Variants in SYN3 observed in about 807,000 individuals in gnomAD.
SYN3 encodes synapsin-3.
Under a neutral mutation model 65.8 loss-of-function variants are expected in SYN3, and 35 were observed. The observed-to-expected ratio is 0.53, with a 90% CI of 0.41 to 0.70. The LOEUF (loss-of-function observed/expected upper bound fraction) is 0.70, where lower values mean the gene tolerates loss of function less well. SYN3 is among the 30% of genes least tolerant of loss of function. SYN3 has a pLI of 0.00. For synonymous variants in SYN3, 270 were observed against 292.9 expected, an observed-to-expected ratio of 0.92 and a Z score of 0.80; for missense variants, 680 against 749.0, an observed-to-expected ratio of 0.91 and a Z score of 1.08.
intron 1 of SYN3, chr22:33,014,928 G>A: frequency 5.7e-6 from 1 of 174,678 alleles, no homozygotes; most frequent in South Asian, 1.8e-4. Context: ...CCTGGGGTCT[G>A]GAGGCAAAGT....
At chr22:32,676,494 T>A (rs2060443434) in intron 6 of SYN3, among the ~76,000 whole-genome samples, 1 of 149,184 alleles carries the variant, frequency 6.7e-6, no homozygotes, top group Admixed American at 6.6e-5. Context: ...ACACCAATCA[T>A]AACAGCTTCC....
intron 5 of SYN3, among the ~76,000 whole-genome samples, chr22:32,868,691 T>C (rs1387455476): frequency 6.6e-6 from 1 of 152,076 alleles, no homozygotes; most frequent in Non-Finnish European, 1.5e-5. Context: ...CTTCAGGTGA[T>C]CCGCCTGTCT....
In SYN3 at chr22:32,528,917, A is replaced by G. The variant is rs1198367456; in HGVS notation, c.1187T>C (p.Leu396Pro). 2.5e-6 allele frequency: 4 copies of G among 1,614,106 alleles called. No individual in the cohort carries two copies. The highest frequency in any genetic ancestry group is 3.4e-6 in the Non-Finnish European group (4 of 1,180,034). The change falls in exon 11 of 14, where the codon CTC becomes CCC. Residue 396 changes from leucine to proline, a missense_variant. Transcript: ENST00000358763. ...ADLVVSKMSQ[L>P]PMPGGTAPSP... ...GGGCGCTGTGCCTCCTGGCATCGGG[A>G]GCTGGCTCATTTTGGAGACAACAAG... is the stretch of plus-strand genomic sequence containing the variant.
chr22:32,541,135 T>C (rs911720220), intron 8 of SYN3, among the ~76,000 whole-genome samples: 8 of 152,214 alleles, frequency 5.3e-5, no homozygotes, highest in Non-Finnish European at 7.3e-5. Context: ...ACTGGTCTTA[T>C]TGGCTTCAGA....
chr22:32,813,952 T>G (rs1227223417), intron 6 of SYN3, among the ~76,000 whole-genome samples: 1 of 152,160 alleles, frequency 6.6e-6, no homozygotes, highest in Admixed American at 6.5e-5. Flanking sequence ...TCAGCCATCA[T>G]ATTATTACTA....
At chr22:33,051,129 C>T (rs1056927137) in intron 1 of SYN3, among the ~76,000 whole-genome samples, 4 of 152,104 alleles carry the variant, frequency 2.6e-5, no homozygotes, top group Admixed American at 2.0e-4. Flanking sequence ...CAGAAACGTT[C>T]GGTGACTTGC....
At chr22:32,748,295 T>C (rs190414778) in intron 6 of SYN3, among the ~76,000 whole-genome samples, 3 of 152,282 alleles carry the variant, frequency 2.0e-5, no homozygotes, top group East Asian at 1.9e-4. Context: ...AGAAAGAGCA[T>C]GGGATTTGGG....
chr22:32,779,131 A>G (rs545713072), intron 6 of SYN3, among the ~76,000 whole-genome samples: 1 of 152,306 alleles, frequency 6.6e-6, no homozygotes, highest in African/African-American at 2.4e-5. Flanking sequence ...GTGGCCACAG[A>G]GGATTGATAG....
chr22:32,845,263 C>G (rs2146217128), intron 6 of SYN3, among the ~76,000 whole-genome samples: 1 of 152,038 alleles, frequency 6.6e-6, no homozygotes, highest in South Asian at 2.1e-4. Flanking sequence ...GTGATGCAAT[C>G]TCGGCTCACT....
intron 6 of SYN3, among the ~76,000 whole-genome samples, chr22:32,762,740 G>A (rs553055068): frequency 7.9e-5 from 12 of 152,298 alleles, no homozygotes; most frequent in Admixed American, 1.3e-4. Context: ...TGGACTTGGG[G>A]GCACGCCCTG....
intron 7 of SYN3, among the ~76,000 whole-genome samples, chr22:32,554,022 T>G (rs935080797): frequency 4.6e-5 from 7 of 152,180 alleles, no homozygotes; most frequent in African/African-American, 1.7e-4. Flanking sequence ...ACCATCGCCA[T>G]CATCTCCTTT....
intron 12 of SYN3, chr22:32,527,685 C>T: frequency 2.3e-6 from 1 of 442,086 alleles, no homozygotes; most frequent in African/African-American, 2.0e-5. Flanking sequence ...TGGGACATTC[C>T]CTGGCACAGT....
At chr22:32,555,742 C>A (rs1259006571) in intron 7 of SYN3, among the ~76,000 whole-genome samples, 1 of 152,142 alleles carries the variant, frequency 6.6e-6, no homozygotes, top group African/African-American at 2.4e-5. Flanking sequence ...AAAACCATAA[C>A]CCGGGCACAC....
chr22:32,566,397 G>T (rs1444860931), intron 7 of SYN3, among the ~76,000 whole-genome samples: 1 of 152,088 alleles, frequency 6.6e-6, no homozygotes, highest in Non-Finnish European at 1.5e-5. Context: ...AGGGGGCAAG[G>T]TCAGAACCGT....
At chr22:32,531,755 C>T (rs1016261932) in intron 10 of SYN3, among the ~76,000 whole-genome samples, 2 of 151,814 alleles carry the variant, frequency 1.3e-5, no homozygotes, top group Non-Finnish European at 2.9e-5. Context: ...CTCCCCTGAC[C>T]CCACTCCAAA....
chr22:32,589,321 G>T (rs1163366453), intron 7 of SYN3, among the ~76,000 whole-genome samples: 1 of 152,152 alleles, frequency 6.6e-6, no homozygotes, highest in Non-Finnish European at 1.5e-5. Context: ...TAATACCACA[G>T]AATCTCATCA....
intron 1 of SYN3, among the ~76,000 whole-genome samples, chr22:33,017,602 C>G (rs961313932): frequency 6.6e-6 from 1 of 152,182 alleles, no homozygotes; most frequent in Non-Finnish European, 1.5e-5. Context: ...GTTAAATTTA[C>G]TCCTAAGCAT....
At chr22:32,820,493 G>A (rs888749793) in intron 6 of SYN3, among the ~76,000 whole-genome samples, 2 of 152,052 alleles carry the variant, frequency 1.3e-5, no homozygotes, top group Admixed American at 1.3e-4. Flanking sequence ...GTAACTCCCC[G>A]GCACCTGGCT....
chr22:32,692,172 AAAAAC>A (rs1340777796), intron 6 of SYN3, among the ~76,000 whole-genome samples: 4 of 144,150 alleles, frequency 2.8e-5, no homozygotes, highest in African/African-American at 7.9e-5. Flanking sequence ...AAAAAAAAAA[AAAAAC>A]AGGACGGTCT....
Sources: allele counts gnomAD v4.1 joint callset (sites outside exome capture counted in the v4.1 genomes callset), GRCh38; gene constraint gnomAD v4.1.1; transcripts MANE v1.5; gene names NCBI Gene and HGNC (gene_info 2026-07-23, HGNC 2026-07-21).